The following MYRIP variants were observed in gnomAD, a reference collection of about 807,000 sequenced individuals.
MYRIP encodes the protein myosin VIIA and Rab interacting protein, also known as rab effector MyRIP.
In MYRIP, 49 loss-of-function variants were observed where a neutral mutation model predicts 98.0. The ratio of observed to expected loss-of-function variants is 0.50; its 90% CI spans 0.40 to 0.63. MYRIP has a LOEUF of 0.63. MYRIP is among the 30% of genes least tolerant of loss of function. MYRIP has a pLI of 0.00. For missense variants in MYRIP, 1,004 were observed against 1,058.2 expected, an observed-to-expected ratio of 0.95 and a Z score of 0.71; for synonymous variants, 404 against 409.5, an observed-to-expected ratio of 0.99 and a Z score of 0.16.
chr3:40,250,161 A>G, intron 13 of MYRIP, 61 bp from the exon 14 acceptor site: 2 of 1,354,698 alleles, frequency 1.5e-6, no homozygotes, highest in South Asian at 2.4e-5. Flanking sequence ...TAACACTTTT[A>G]AGAAATATTT....
rs542164135 is a variant in MYRIP at position 40,024,301 on chromosome 3, A to G, written c.111-19749A>G. Among the ~76,000 whole-genome samples, 5 of 152,258 alleles carry G rather than the reference A, an allele frequency of 3.3e-5. No homozygotes were observed. The South Asian group carries it at 8.3e-4, about 25-fold the overall frequency. Reference sequence around the variant, plus strand: ...GGAAATAAGATTGACCTTTCCACTTAACAGAGTTGTGAAGATAGTGATTGT... The same window carrying G: ...GGAAATAAGATTGACCTTTCCACTTGACAGAGTTGTGAAGATAGTGATTGT... On this transcript the variant is annotated intron_variant, in intron 2 of 16. Coordinates refer to ENST00000302541, the MANE Select transcript of MYRIP (RefSeq NM_015460.4).
intron 4 of MYRIP, among the ~76,000 whole-genome samples, chr3:40,155,679 C>A (rs538550589): frequency 3.3e-5 from 5 of 151,690 alleles, no homozygotes; most frequent in Non-Finnish European, 7.4e-5. Context: ...TTAATGATTG[C>A]CATTCTAACT....
chr3:40,216,492 A>T (rs1483399237), intron 11 of MYRIP, among the ~76,000 whole-genome samples: 1 of 152,208 alleles, frequency 6.6e-6, no homozygotes, highest in Non-Finnish European at 1.5e-5. Context: ...TATAAACGGA[A>T]ATGCCAAAAT....
At chr3:39,831,454 C>T (rs1171741279) in intron 1 of MYRIP, among the ~76,000 whole-genome samples, 1 of 152,126 alleles carries the variant, frequency 6.6e-6, no homozygotes, top group Admixed American at 6.5e-5. Context: ...TAGGTCCCAA[C>T]CAATATAATC....
chr3:39,929,911 T>G (rs542797344), intron 2 of MYRIP, among the ~76,000 whole-genome samples: 2 of 152,188 alleles, frequency 1.3e-5, no homozygotes, highest in African/African-American at 4.8e-5. Context: ...CAGTATTTCA[T>G]CCACTTTTAT....
In MYRIP at chr3:39,853,066, G is replaced by A. The variant is rs561840226; in HGVS notation, c.-31+43150G>A. 2.4e-4 allele frequency among the ~76,000 whole-genome samples: 37 copies of A among 152,332 alleles called. 3 individuals carry two copies. The South Asian group carries it at 7.2e-3, about 30-fold the overall frequency. On this transcript the variant is annotated intron_variant, in intron 1 of 16. Coordinates refer to ENST00000302541, the MANE Select transcript of MYRIP (RefSeq NM_015460.4). ...CAGAGTGCTGGGATTACAGGCGTGA[G>A]TCACTGCGCCTGGCCTATTTCATTC... is the stretch of plus-strand genomic sequence containing the variant.
chr3:40,165,676 A>G (rs1462680927), intron 5 of MYRIP, among the ~76,000 whole-genome samples: 2 of 152,000 alleles, frequency 1.3e-5, no homozygotes, highest in Non-Finnish European at 2.9e-5. Flanking sequence ...GGGAAACAGA[A>G]CTTTTCCCAG....
At chr3:40,139,542 A>C (rs1334541377) in intron 3 of MYRIP, among the ~76,000 whole-genome samples, 1 of 152,170 alleles carries the variant, frequency 6.6e-6, no homozygotes, top group Non-Finnish European at 1.5e-5. Flanking sequence ...ATTTAGCATA[A>C]TGTTTTTGAG....
intron 2 of MYRIP, among the ~76,000 whole-genome samples, chr3:40,040,741 A>G (rs1431031056): frequency 3.3e-5 from 2 of 60,882 alleles, no homozygotes; most frequent in Admixed American, 2.4e-4. Context: ...AAAAAACCAA[A>G]CACCGCATAT....
At chr3:39,886,652 A>C (rs994400502) in intron 1 of MYRIP, among the ~76,000 whole-genome samples, 4 of 152,034 alleles carry the variant, frequency 2.6e-5, no homozygotes, top group African/African-American at 7.3e-5. Flanking sequence ...TCCTAAATAT[A>C]TATGCACCCA....
intron 1 of MYRIP, among the ~76,000 whole-genome samples, chr3:39,864,873 A>G (rs985412146): frequency 3.3e-5 from 5 of 152,110 alleles, no homozygotes; most frequent in African/African-American, 1.2e-4. Context: ...GAACAAACCC[A>G]GAGACATCAT....
Position 40,190,019 on chromosome 3 carries a change from G to C in MYRIP, c.1221G>C (p.Leu407Phe), listed in dbSNP as rs150509578. ...SEEDFDWSEA[L>F]SKLCPRSRAL... is the part of the protein sequence containing the mutation. Reference sequence around the variant, plus strand: ...AAGACTTTGACTGGAGTGAGGCCTTGAGCAAGCTGTGTCCCAGGTCCCGGG... The same window carrying C: ...AAGACTTTGACTGGAGTGAGGCCTTCAGCAAGCTGTGTCCCAGGTCCCGGG... The change falls in exon 10 of 17, where the codon TTG becomes TTC. Residue 407 changes from leucine (L) to phenylalanine (F), a missense_variant. Leu to Phe is a conservative substitution (Grantham distance 22). Coordinates refer to ENST00000302541, the MANE Select transcript of MYRIP (RefSeq NM_015460.4). 1.1e-5 allele frequency: 17 copies of C among 1,614,146 alleles called. No individual in the cohort carries two copies. Among genetic ancestry groups the C allele is most frequent in the East Asian group, 4.5e-5 (2 of 44,858 alleles).
intron 3 of MYRIP, among the ~76,000 whole-genome samples, chr3:40,047,754 G>T (rs965202866): frequency 6.6e-6 from 1 of 152,198 alleles, no homozygotes; most frequent in Admixed American, 6.5e-5. Flanking sequence ...GTTTGACAGA[G>T]AAGTATGTCT....
At chr3:40,178,983 C>A (rs1455676464) in intron 8 of MYRIP, among the ~76,000 whole-genome samples, 4 of 152,186 alleles carry the variant, frequency 2.6e-5, no homozygotes, top group Non-Finnish European at 5.9e-5. Context: ...ACCAGCCCTG[C>A]GTCTTCTGTG....
chr3:40,194,758 A>G (rs946809748), intron 10 of MYRIP, among the ~76,000 whole-genome samples: 2 of 152,146 alleles, frequency 1.3e-5, no homozygotes, highest in African/African-American at 4.8e-5. Flanking sequence ...ATTTTTTTCA[A>G]AGCTCTTATA....
intron 2 of MYRIP, among the ~76,000 whole-genome samples, chr3:39,949,213 G>A (rs1187093007): frequency 6.6e-6 from 1 of 152,122 alleles, no homozygotes; most frequent in Non-Finnish European, 1.5e-5. Context: ...AGAAGAAGAG[G>A]TTCCTTTTCC....
At chr3:40,152,385 T>C (rs949904964) in intron 4 of MYRIP, among the ~76,000 whole-genome samples, 5 of 152,158 alleles carry the variant, frequency 3.3e-5, no homozygotes, top group Admixed American at 6.5e-5. Flanking sequence ...ATCTCGTAGG[T>C]GTTCTTTACC....
intron 2 of MYRIP, among the ~76,000 whole-genome samples, chr3:39,986,391 C>G (rs1035688633): frequency 2.6e-5 from 4 of 151,894 alleles, no homozygotes; most frequent in African/African-American, 9.7e-5. Flanking sequence ...TTCTCTCTGT[C>G]TCTCTCTTTC....
chr3:40,151,520 G>T lies in MYRIP; in HGVS notation c.469+336G>T, dbSNP rs76888505. Among the ~76,000 whole-genome samples, 1,164 of 152,290 alleles carry T rather than the reference G, an allele frequency of 7.6e-3. 15 individuals are homozygous for T. The highest frequency in any genetic ancestry group is 0.027 in the African/African-American group (1,117 of 41,552). On this transcript the variant is annotated intron_variant, in intron 4 of 16. Coordinates refer to ENST00000302541, the MANE Select transcript of MYRIP (RefSeq NM_015460.4). ...TGATTAAAACGTTGGAAAGTCATTT[G>T]CCCTTGGCTACAGAGAGAGTACATC...
Sources: allele counts gnomAD v4.1 joint callset (sites outside exome capture counted in the v4.1 genomes callset), GRCh38; gene constraint gnomAD v4.1.1; transcripts MANE v1.5; gene names NCBI Gene and HGNC (gene_info 2026-07-23, HGNC 2026-07-21).